The following ALG1 variants were observed in gnomAD, a reference collection of about 807,000 sequenced individuals.
ALG1 encodes the protein chitobiosyldiphosphodolichol beta-mannosyltransferase.
In ALG1, 58 loss-of-function variants were observed where a neutral mutation model predicts 55.1. The observed-to-expected ratio is 1.05, with a 90% CI of 0.85 to 1.31. The LOEUF is 1.31. Among genes scored for constraint, ALG1 ranks in the 50% most tolerant of loss-of-function variants. The pLI is 0.00. For missense variants in ALG1, 761 were observed against 598.6 expected, an observed-to-expected ratio of 1.27 and a Z score of -2.83; for synonymous variants, 309 against 247.0, an observed-to-expected ratio of 1.25 and a Z score of -2.35.
In ALG1 at chr16:5,085,684, A is replaced by G; in HGVS notation, c.*803A>G. On this transcript the variant is annotated 3_prime_UTR_variant, in exon 13 of 13. Coordinates refer to ENST00000262374, the MANE Select transcript of ALG1 (RefSeq NM_019109.5). The stretch of plus-strand genomic sequence containing the variant: ...CTCCAAGTGCTCTTCGTAGGGAAAC[A>G]GTTTCTGCTCATGACGAGGTTCCAC... 1 of 1,611,906 alleles carries G rather than the reference A, an allele frequency of 6.2e-7. No individual in the cohort carries two copies. The highest frequency in any genetic ancestry group is 8.5e-7 in the Non-Finnish European group (1 of 1,179,806).
rs1378901319 is a variant in ALG1 at position 5,072,067 on chromosome 16, C to CA, written c.208+12dup. The CA allele has an allele frequency of 4.7e-6, 7 of 1,480,812 alleles. No individual in the cohort carries two copies. Among genetic ancestry groups the CA allele is most frequent in the Admixed American group, 2.1e-5 (1 of 48,364 alleles). The allele number at this position is 1,480,812 out of a possible 1,614,324, so 91.7% of individuals were successfully genotyped here. Reference sequence around the variant, plus strand: ...CTCCTGGGGTTCTGCAGTGAGTGGCCAAGGGTCTGGGAGGGACGATGCTCT... The same window carrying CA: ...CTCCTGGGGTTCTGCAGTGAGTGGCCAAAGGGTCTGGGAGGGACGATGCTCT... On this transcript the variant is annotated intron_variant, in intron 1 of 12. Transcript: ENST00000262374.
At chr16:5,081,384 G>C (rs1223110229) in intron 10 of ALG1, among the ~76,000 whole-genome samples, 1 of 152,244 alleles carries the variant, frequency 6.6e-6, no homozygotes, top group African/African-American at 2.4e-5. Flanking sequence ...GAGGTACGGG[G>C]ACGATGTGTC....
intron 11 of ALG1, among the ~76,000 whole-genome samples, chr16:5,083,257 G>A (rs1001394230): frequency 6.6e-6 from 1 of 152,158 alleles, no homozygotes; most frequent in African/African-American, 2.4e-5. Context: ...TGGGATTTAG[G>A]GATGTGAGCC....
In ALG1 at chr16:5,085,106, T is replaced by A; in HGVS notation, c.*225T>A. ...GGAAACGCTTCCTCTCTTCTTCTGT[T>A]CTTCACGCCCCATGCCCCTGCTAGC... On this transcript the variant is annotated 3_prime_UTR_variant, in exon 13 of 13. Transcript: ENST00000262374. 1 of 755,586 alleles carries A rather than the reference T, an allele frequency of 1.3e-6. No individual in the cohort carries two copies. The highest frequency in any genetic ancestry group is 2.1e-6 in the Non-Finnish European group (1 of 471,700). 46.8% of individuals were successfully genotyped at this position (755,586 alleles called of 1,614,324 possible).
At chr16:5,076,287 C>T (rs1391203448) in intron 4 of ALG1, among the ~76,000 whole-genome samples, 2 of 152,248 alleles carry the variant, frequency 1.3e-5, no homozygotes, top group East Asian at 1.9e-4. Flanking sequence ...GGCCTTCGCC[C>T]TGATAGTTTG....
rs1381696957 is a variant in ALG1 at position 5,087,157 on chromosome 16, G to A, written c.*2276G>A. ...GCCTCCCTGTGCCACACTGGAAGAA[G>A]AAGAATCGCCTTGGGCCACGCATAA... On this transcript the variant is annotated 3_prime_UTR_variant, in exon 13 of 13. Transcript: ENST00000262374. 6.6e-6 allele frequency: 1 copy of A among 152,234 alleles called. No individual in the cohort carries two copies. Among genetic ancestry groups the A allele is most frequent in the African/African-American group, 2.4e-5 (1 of 41,438 alleles). 9.4% of individuals were successfully genotyped at this position (152,234 alleles called of 1,614,324 possible).
At position 5,078,727 on chromosome 16, in the gene ALG1, C is replaced by T. The variant is rs1417155046; in HGVS notation, c.741-30C>T. The T allele has an allele frequency of 1.9e-6, 3 of 1,612,384 alleles. No homozygotes were observed. In the South Asian group the frequency reaches 3.3e-5, roughly 18 times the overall value. Reference sequence around the variant, plus strand: ...CTGGGTCCCGGGCCTGCTCTATGGCCTCTCACAGGCTTTTTTTCTGCTCCT... The same window carrying T: ...CTGGGTCCCGGGCCTGCTCTATGGCTTCTCACAGGCTTTTTTTCTGCTCCT... On this transcript the variant is annotated intron_variant, in intron 6 of 12. Coordinates refer to ENST00000262374, the MANE Select transcript of ALG1 (RefSeq NM_019109.5).
In ALG1 at chr16:5,078,874, G is replaced by C; in HGVS notation, c.858G>C (p.Trp286Cys). 6.2e-7 allele frequency: 1 copy of C among 1,611,376 alleles called. No individual in the cohort carries two copies. The highest frequency in any genetic ancestry group is 8.5e-7 in the Non-Finnish European group (1 of 1,179,654). Residue 286 changes from tryptophan to cysteine, a missense_variant, in exon 7 of 13, where the codon TGG becomes TGC. Physicochemically the swap from Trp to Cys is radical, Grantham distance 215. Coordinates refer to ENST00000262374, the MANE Select transcript of ALG1 (RefSeq NM_019109.5). ...CCCTGCTGGTCAGCAGCACGAGCTG[G>C]ACAGGTCTGCAGGACCCCTGGGGCA... is the stretch of plus-strand genomic sequence containing the variant. ...RPALLVSSTS[W>C]TEDEDFSILL...
At chr16:5,074,977 A>C (rs1956882623) in intron 3 of ALG1, among the ~76,000 whole-genome samples, 2 of 152,258 alleles carry the variant, frequency 1.3e-5, no homozygotes, top group Admixed American at 1.3e-4. Flanking sequence ...ATCATAGCTT[A>C]ACTGCAGCCT....
chr16:5,073,162 G>A lies in ALG1; in HGVS notation c.296G>A (p.Arg99Gln), dbSNP rs1349600746. 5 of 1,614,036 alleles carry A rather than the reference G, an allele frequency of 3.1e-6. No individual in the cohort carries two copies. In the African/African-American group the frequency reaches 4.0e-5, roughly 13 times the overall value. The change falls in exon 3 of 13, where the codon CGA becomes CAA. Residue 99 changes from arginine (R) to glutamine (Q), a missense_variant. Arg to Gln is a conservative substitution (Grantham distance 43, BLOSUM62 1). Transcript: ENST00000262374. ...TELQSLAVGP[R>Q]VFQYGVKVVL... ...GTTTTCTGACTTGCAGTTGGGCCCCGAGTTTTCCAGTACGGAGTCAAAGTT... is the reference window on the plus strand; with the variant it reads ...GTTTTCTGACTTGCAGTTGGGCCCCAAGTTTTCCAGTACGGAGTCAAAGTT...
intron 10 of ALG1, among the ~76,000 whole-genome samples, chr16:5,081,652 G>A (rs572662426): frequency 1.3e-5 from 2 of 152,256 alleles, no homozygotes; most frequent in Admixed American, 6.5e-5. Flanking sequence ...TCTGCCTCCT[G>A]GGTTCAAGCG....
At chr16:5,078,559 G>A (rs1956956527) in intron 6 of ALG1, 198 bp from the exon 7 acceptor site, 3 of 890,526 alleles carry the variant, frequency 3.4e-6, no homozygotes, top group Non-Finnish European at 5.4e-6. Flanking sequence ...CTTGTTTGCT[G>A]TTGTAACCTT....
intron 4 of ALG1, among the ~76,000 whole-genome samples, chr16:5,076,997 G>A (rs1210875135): frequency 1.3e-5 from 2 of 151,940 alleles, no homozygotes; most frequent in South Asian, 2.1e-4. Flanking sequence ...GTTTCACCAC[G>A]TTGGCCAGGC....
intron 3 of ALG1, among the ~76,000 whole-genome samples, chr16:5,074,105 T>A (rs535576438): frequency 2.0e-5 from 3 of 152,286 alleles, no homozygotes; most frequent in East Asian, 1.9e-4. Flanking sequence ...ACTTTTTTTT[T>A]TAAATCAATT....
chr16:5,077,720 G>T lies in ALG1; in HGVS notation c.629+186G>T, dbSNP rs2302552. On this transcript the variant is annotated intron_variant, in intron 5 of 12. Coordinates refer to ENST00000262374, the MANE Select transcript of ALG1 (RefSeq NM_019109.5). ...GCAGAGTTTCTTTCTTAGCCAGCCA[G>T]GGGGTCCAGGCAGTTTTGGTCCTAG... Among the ~76,000 whole-genome samples, 93,700 of 152,014 alleles carry T rather than the reference G, an allele frequency of 0.62. 29,123 individuals carry two copies. The highest frequency in any genetic ancestry group is 0.8 in the South Asian group (3,874 of 4,820).
intron 3 of ALG1, chr16:5,073,511 T>G: frequency 1.8e-6 from 1 of 541,800 alleles, no homozygotes; most frequent in Non-Finnish European, 3.3e-6. Context: ...TCCTCACAGT[T>G]ACCCTAAGAA....
At chr16:5,072,352 A>G in intron 1 of ALG1, 2 of 1,060,690 alleles carry the variant, frequency 1.9e-6, no homozygotes, top group Non-Finnish European at 2.6e-6. Context: ...GCTGGTAGCT[A>G]CGTCCCTGTG....
Position 5,076,232 on chromosome 16 carries a change from C to G in ALG1, c.539+696C>G, listed in dbSNP as rs117498576. On this transcript the variant is annotated intron_variant, in intron 4 of 12. Coordinates refer to ENST00000262374, the MANE Select transcript of ALG1 (RefSeq NM_019109.5). ...GCACATCCAGCCTCCGTGTGCATGT[C>G]CAGCTGCTGCGTGTACTTCCGGCCT... Among the ~76,000 whole-genome samples the G allele has an allele frequency of 1.9e-3, 288 of 152,358 alleles. 4 individuals are homozygous for G. The East Asian group carries it at 0.043, about 23-fold the overall frequency.
intron 9 of ALG1, 114 bp downstream of exon 9, chr16:5,079,921 T>G: frequency 7.3e-7 from 1 of 1,371,110 alleles, no homozygotes; most frequent in Non-Finnish European, 1.0e-6. Flanking sequence ...TCACTGCAGC[T>G]CTGCCATAGG....
Sources: gnomAD v4.1 joint callset for allele counts (sites outside exome capture counted in the v4.1 genomes callset) on GRCh38, gnomAD v4.1.1 for gene constraint, MANE v1.5 for transcripts, NCBI Gene and HGNC (gene_info 2026-07-23, HGNC 2026-07-21) for gene names.